Variants in TEX26 observed in about 807,000 individuals in gnomAD.
The protein encoded by TEX26 is testis expressed 26, also known as testis-expressed protein 26.
In TEX26, 34 loss-of-function variants were observed where a neutral mutation model predicts 35.3. The observed-to-expected ratio is 0.96, with a 90% CI of 0.73 to 1.28. The LOEUF is 1.28. Among genes scored for constraint, TEX26 ranks in the 50% most tolerant of loss-of-function variants. TEX26 has a pLI of 0.00. For missense variants in TEX26, 371 were observed against 330.1 expected (o/e 1.12, Z -0.96); for synonymous variants, 136 against 111.8 (o/e 1.22, Z -1.36).
At chr13:30,946,026 T>A (rs928390498) in intron 2 of TEX26, among the ~76,000 whole-genome samples, 6 of 152,142 alleles carry the variant, frequency 3.9e-5, no homozygotes, top group African/African-American at 1.4e-4. Flanking sequence ...AAAGTTTTCC[T>A]CAATTATTCC....
At position 30,937,704 on chromosome 13, in the gene TEX26, A is replaced by G. The variant is rs184794172; in HGVS notation, c.62-1990A>G. On this transcript the variant is annotated intron_variant, in intron 1 of 6. Coordinates refer to ENST00000380473, the MANE Select transcript of TEX26 (RefSeq NM_152325.3). Reference sequence around the variant, plus strand: ...GCAGGATTAGAGAGCAGACACTAGGAGTGCATAGAAGCACAGTTACAGAGT... The same window carrying G: ...GCAGGATTAGAGAGCAGACACTAGGGGTGCATAGAAGCACAGTTACAGAGT... 1.9e-3 allele frequency among the ~76,000 whole-genome samples: 291 copies of G among 152,352 alleles called. 6 individuals carry two copies. The highest frequency in any genetic ancestry group is 0.017 in the Admixed American group (263 of 15,298).
intron 4 of TEX26, among the ~76,000 whole-genome samples, chr13:30,965,466 C>A (rs948053546): frequency 7.9e-5 from 12 of 152,264 alleles, no homozygotes; most frequent in African/African-American, 2.9e-4. Context: ...TTTTTGACAT[C>A]TTTGTCTTTC....
intron 6 of TEX26, chr13:30,973,312 G>T (rs1472726190): frequency 6.6e-6 from 1 of 152,154 alleles, no homozygotes; most frequent in Non-Finnish European, 1.5e-5. Context: ...TTTATTTGAA[G>T]GTCTACAACT....
At chr13:30,954,277 TACACACACACACACACAC>T (rs56003143) in intron 3 of TEX26, among the ~76,000 whole-genome samples, 10 of 137,950 alleles carry the variant, frequency 7.2e-5, no homozygotes, top group Non-Finnish European at 1.2e-4. Context: ...TATAGACCTA[TACACACACACACACACAC>T]ACACACACAC....
chr13:30,942,888 A>C (rs1953565396), intron 2 of TEX26, among the ~76,000 whole-genome samples: 2 of 151,842 alleles, frequency 1.3e-5, no homozygotes, highest in African/African-American at 4.9e-5. Context: ...TTTGGTAACT[A>C]TAGCCTTGTA....
intron 4 of TEX26, among the ~76,000 whole-genome samples, chr13:30,961,774 A>G (rs539483762): frequency 8.5e-5 from 13 of 152,202 alleles, no homozygotes; most frequent in African/African-American, 3.1e-4. Flanking sequence ...ACTTTTGAGC[A>G]TCATTTAACT....
chr13:30,932,803 C>CA (rs748731968), intron 1 of TEX26, 27 bp downstream of exon 1: 2 of 1,609,382 alleles, frequency 1.2e-6, no homozygotes, highest in Non-Finnish European at 1.7e-6. Flanking sequence ...TGCCGGTCTG[C>CA]GGGGCGGGGC....
chr13:30,936,671 G>T, intron 1 of TEX26: 1 of 985,430 alleles, frequency 1.0e-6, no homozygotes, highest in Non-Finnish European at 1.2e-6. Flanking sequence ...CCAAGGCCAG[G>T]TCAAGACTCT....
At chr13:30,957,139 C>A in intron 4 of TEX26, 110 bp downstream of exon 4, 2 of 1,133,700 alleles carry the variant, frequency 1.8e-6, no homozygotes, top group Non-Finnish European at 2.5e-6. Context: ...GAAGTCTAGG[C>A]ATGGAGACAG....
At chr13:30,956,831 A>T in intron 3 of TEX26, 42 bp from the exon 4 acceptor site, 1 of 1,556,672 alleles carries the variant, frequency 6.4e-7, no homozygotes, top group Non-Finnish European at 8.9e-7. Context: ...CTATTGGGTG[A>T]ACCCATATGG....
intron 2 of TEX26, among the ~76,000 whole-genome samples, chr13:30,951,623 T>C (rs1035490185): frequency 2.0e-5 from 3 of 152,218 alleles, no homozygotes; most frequent in Admixed American, 1.3e-4. Flanking sequence ...GATACTGTTA[T>C]CTGTACCCTC....
At chr13:30,970,168 A>AGTGTGTGTGTGT (rs57600535) in intron 6 of TEX26, among the ~76,000 whole-genome samples, 1 of 146,412 alleles carries the variant, frequency 6.8e-6, no homozygotes, top group African/African-American at 2.6e-5. Flanking sequence ...GGTGTGTGTG[A>AGTGTGTGTGTGT]GTGTGTGTGT....
At chr13:30,939,440 C>T (rs1566139901) in intron 1 of TEX26, among the ~76,000 whole-genome samples, 1 of 152,096 alleles carries the variant, frequency 6.6e-6, no homozygotes, top group Non-Finnish European at 1.5e-5. Context: ...TTATGTCTGT[C>T]TTTAATTCTT....
chr13:30,972,157 C>T (rs1954734166), intron 6 of TEX26, among the ~76,000 whole-genome samples: 1 of 152,124 alleles, frequency 6.6e-6, no homozygotes, highest in Non-Finnish European at 1.5e-5. Flanking sequence ...TATGGATGGA[C>T]AGGAGATGAG....
chr13:30,964,510 T>C (rs12100041), intron 4 of TEX26, among the ~76,000 whole-genome samples: 1 of 152,220 alleles, frequency 6.6e-6, no homozygotes, highest in African/African-American at 2.4e-5. Context: ...CATTTACTAT[T>C]GAATGGTAGC....
intron 1 of TEX26, among the ~76,000 whole-genome samples, chr13:30,936,099 T>C (rs1223848256): frequency 6.6e-6 from 1 of 152,218 alleles, no homozygotes; most frequent in Admixed American, 6.5e-5. Flanking sequence ...GGAAATATCT[T>C]TTTTGTAGTG....
intron 6 of TEX26, among the ~76,000 whole-genome samples, chr13:30,969,958 G>T (rs148537837): frequency 6.6e-6 from 1 of 152,098 alleles, no homozygotes; most frequent in Admixed American, 6.5e-5. Flanking sequence ...CCTGTGATGA[G>T]GTTGGGACTT....
chr13:30,966,257 G>A lies in TEX26; in HGVS notation c.505G>A (p.Glu169Lys), dbSNP rs909955620. ...KIKKSSHLSL[E>K]WKKLLPQPPD... The stretch of plus-strand genomic sequence containing the variant: ...TAAGAAAAGTTCTCACTTGTCTCTG[G>A]AATGGAAAAAGTTACTTCCCCAACC... Residue 169 changes from glutamate to lysine, a missense_variant, in exon 5 of 7, where the codon GAA becomes AAA. Transcript: ENST00000380473. 1 of 1,613,884 alleles carries A rather than the reference G, an allele frequency of 6.2e-7. No individual in the cohort carries two copies. Among genetic ancestry groups the A allele is most frequent in the Non-Finnish European group, 8.5e-7 (1 of 1,179,972 alleles).
At chr13:30,967,808 A>C (rs1954590880) in intron 5 of TEX26, among the ~76,000 whole-genome samples, 1 of 152,224 alleles carries the variant, frequency 6.6e-6, no homozygotes, top group African/African-American at 2.4e-5. Flanking sequence ...CAATATTCAT[A>C]ATCAAATATA....
Sources: allele counts gnomAD v4.1 joint callset (sites outside exome capture counted in the v4.1 genomes callset), GRCh38; gene constraint gnomAD v4.1.1; transcripts MANE v1.5; gene names NCBI Gene and HGNC (gene_info 2026-07-23, HGNC 2026-07-21).